The following NCK2 variants were observed in gnomAD, a reference collection of about 807,000 sequenced individuals.
NCK2 encodes cytoplasmic protein NCK2.
A neutral mutation model predicts 33.9 loss-of-function variants in NCK2; 16 were observed. The ratio of observed to expected loss-of-function variants is 0.47; its 90% CI spans 0.32 to 0.72. The LOEUF (loss-of-function observed/expected upper bound fraction) is 0.72, where lower values mean the gene tolerates loss of function less well. Ranked by LOEUF, NCK2 falls within the 30% of genes least tolerant of loss-of-function variation. The probability of loss-of-function intolerance (pLI) is 0.03; values close to 1 mark genes in which losing one functional copy is unlikely to be tolerated. For missense variants in NCK2, 418 were observed against 537.3 expected, an observed-to-expected ratio of 0.78 and a Z score of 2.19; for synonymous variants, 273 against 239.9, an observed-to-expected ratio of 1.14 and a Z score of -1.27.
intron 1 of NCK2, among the ~76,000 whole-genome samples, chr2:105,752,121 G>C (rs1341908134): frequency 2.0e-5 from 3 of 152,154 alleles, no homozygotes; most frequent in African/African-American, 7.2e-5. Flanking sequence ...GCTGCATTTT[G>C]ATTGGCCTTG....
At chr2:105,766,116 TA>T (rs1277994673) in intron 1 of NCK2, among the ~76,000 whole-genome samples, 1 of 151,970 alleles carries the variant, frequency 6.6e-6, no homozygotes, top group Non-Finnish European at 1.5e-5. Context: ...TCAAGAGTGT[TA>T]AAGGAAACAA....
chr2:105,837,900 G>A (rs890254831), intron 2 of NCK2, among the ~76,000 whole-genome samples: 3 of 152,188 alleles, frequency 2.0e-5, no homozygotes, highest in African/African-American at 7.2e-5. Context: ...TATTTTGCCT[G>A]CTGCCTAATT....
At chr2:105,841,485 TC>T (rs1029773488) in intron 2 of NCK2, among the ~76,000 whole-genome samples, 3 of 152,162 alleles carry the variant, frequency 2.0e-5, no homozygotes, top group African/African-American at 7.2e-5. Context: ...TCCAGGAACC[TC>T]CCCGTGTTCA....
intron 1 of NCK2, among the ~76,000 whole-genome samples, chr2:105,775,630 A>C (rs1320196517): frequency 6.6e-6 from 1 of 152,144 alleles, no homozygotes. Context: ...TGTTTGTTTC[A>C]TGCAACCTTT....
At chr2:105,866,464 G>A (rs942872383) in intron 3 of NCK2, among the ~76,000 whole-genome samples, 3 of 152,238 alleles carry the variant, frequency 2.0e-5, no homozygotes, top group African/African-American at 7.2e-5. Flanking sequence ...TTTCGTGGAA[G>A]ACAGTTTTTA....
chr2:105,788,059 A>G (rs946743450), intron 1 of NCK2, among the ~76,000 whole-genome samples: 1 of 152,164 alleles, frequency 6.6e-6, no homozygotes, highest in Non-Finnish European at 1.5e-5. Flanking sequence ...TCCATTTTGG[A>G]TGCAAAAGTG....
intron 2 of NCK2, among the ~76,000 whole-genome samples, chr2:105,831,450 C>T (rs990287242): frequency 6.8e-6 from 1 of 148,056 alleles, no homozygotes; most frequent in African/African-American, 2.5e-5. Context: ...TCATTCTATG[C>T]TGTAAAATCT....
intron 4 of NCK2, among the ~76,000 whole-genome samples, chr2:105,887,055 T>C (rs1332352327): frequency 1.3e-5 from 2 of 152,188 alleles, no homozygotes; most frequent in East Asian, 1.9e-4. Flanking sequence ...AAGGAAGAGA[T>C]AATCTGATGT....
intron 3 of NCK2, among the ~76,000 whole-genome samples, chr2:105,878,458 A>G (rs1000626742): frequency 6.6e-6 from 1 of 152,242 alleles, no homozygotes; most frequent in African/African-American, 2.4e-5. Flanking sequence ...AGGAGATTGG[A>G]ACACAGACAC....
At chr2:105,753,408 A>G (rs1689515531) in intron 1 of NCK2, among the ~76,000 whole-genome samples, 1 of 152,200 alleles carries the variant, frequency 6.6e-6, no homozygotes, top group Non-Finnish European at 1.5e-5. Flanking sequence ...CAAGTCTCCA[A>G]TTCTGCAGGA....
intron 1 of NCK2, among the ~76,000 whole-genome samples, chr2:105,778,418 CTG>C (rs2104395986): frequency 6.6e-6 from 1 of 152,332 alleles, no homozygotes; most frequent in East Asian, 1.9e-4. Flanking sequence ...TGACCATCCT[CTG>C]TGGCGTGGGA....
At chr2:105,872,487 C>T (rs1281479540) in intron 3 of NCK2, among the ~76,000 whole-genome samples, 1 of 152,212 alleles carries the variant, frequency 6.6e-6, no homozygotes, top group Non-Finnish European at 1.5e-5. Context: ...TCCCTGACCT[C>T]CTCCTCTTTA....
At chr2:105,859,302 CA>C (rs2104595740) in intron 3 of NCK2, among the ~76,000 whole-genome samples, 1 of 152,276 alleles carries the variant, frequency 6.6e-6, no homozygotes, top group South Asian at 2.1e-4. Flanking sequence ...TCACATTACC[CA>C]AAAAGTTACG....
intron 1 of NCK2, among the ~76,000 whole-genome samples, chr2:105,793,799 G>A (rs1690976612): frequency 6.6e-6 from 1 of 152,172 alleles, no homozygotes; most frequent in Non-Finnish European, 1.5e-5. Flanking sequence ...CCGGAAAGCA[G>A]GGAGCTGTGG....
At chr2:105,797,720 T>C (rs1291778515) in intron 1 of NCK2, among the ~76,000 whole-genome samples, 1 of 152,208 alleles carries the variant, frequency 6.6e-6, no homozygotes, top group Non-Finnish European at 1.5e-5. Flanking sequence ...TGCAAAGTCT[T>C]TCGTAACCAT....
chr2:105,762,703 A>G (rs116254108), intron 1 of NCK2, among the ~76,000 whole-genome samples: 3 of 152,232 alleles, frequency 2.0e-5, no homozygotes, highest in Admixed American at 6.5e-5. Flanking sequence ...TTCCTGTTAC[A>G]TAATAGTGAT....
chr2:105,846,879 A>G (rs1676874790), intron 2 of NCK2: 1 of 152,256 alleles, frequency 6.6e-6, no homozygotes, highest in South Asian at 2.1e-4. Flanking sequence ...ACTCATGTTC[A>G]TAGCATTATT....
At chr2:105,823,239 C>A (rs1675816677) in intron 2 of NCK2, among the ~76,000 whole-genome samples, 1 of 151,464 alleles carries the variant, frequency 6.6e-6, no homozygotes, top group African/African-American at 2.4e-5. Context: ...TACAAACAAG[C>A]CCCAGTAGGA....
chr2:105,811,709 C>T lies in NCK2; in HGVS notation c.-200-4721C>T, dbSNP rs79095165. 9.2e-5 allele frequency among the ~76,000 whole-genome samples: 14 copies of T among 152,244 alleles called. No homozygotes were observed. The East Asian group carries it at 1.5e-3, about 17-fold the overall frequency. On this transcript the variant is annotated intron_variant, in intron 1 of 4. Transcript: ENST00000233154. ...ACATGAATTGCATGATGCTTGCAGG[C>T]GGGTGCGGGTCTCCTGTCCAGCCCG... is the stretch of plus-strand genomic sequence containing the variant.
Sources: gnomAD v4.1 joint callset for allele counts (sites outside exome capture counted in the v4.1 genomes callset) on GRCh38, gnomAD v4.1.1 for gene constraint, MANE v1.5 for transcripts, NCBI Gene and HGNC (gene_info 2026-07-23, HGNC 2026-07-21) for gene names.